The following KIF5C variants were observed in gnomAD, a reference collection of about 807,000 sequenced individuals.
KIF5C encodes kinesin family member 5C.
A neutral mutation model predicts 125.2 loss-of-function variants in KIF5C; 18 were observed. The ratio of observed to expected loss-of-function variants is 0.14; its 90% CI spans 0.10 to 0.21. The LOEUF (loss-of-function observed/expected upper bound fraction) is 0.21. Ranked by LOEUF, KIF5C falls within the 10% of genes least tolerant of loss-of-function variation. KIF5C has a pLI of 1.00. For synonymous variants in KIF5C, 405 were observed against 434.0 expected, an observed-to-expected ratio of 0.93 and a Z score of 0.83; for missense variants, 780 against 1,183.8, an observed-to-expected ratio of 0.66 and a Z score of 5.01.
chr2:148,950,528 G>A, intron 10 of KIF5C, 66 bp downstream of exon 10: 1 of 1,537,016 alleles, frequency 6.5e-7, no homozygotes, highest in East Asian at 2.3e-5. Flanking sequence ...GAATGGCAAG[G>A]CTGGGTGCAA....
At chr2:149,005,024 A>G (rs1230021561) in intron 21 of KIF5C, among the ~76,000 whole-genome samples, 1 of 152,162 alleles carries the variant, frequency 6.6e-6, no homozygotes, top group Non-Finnish European at 1.5e-5. Flanking sequence ...ACATTGTAAC[A>G]TTTACATAAT....
intron 14 of KIF5C, among the ~76,000 whole-genome samples, chr2:148,983,247 C>G (rs776521929): frequency 6.6e-6 from 1 of 152,066 alleles, no homozygotes; most frequent in African/African-American, 2.4e-5. Flanking sequence ...AGGTGGGGAC[C>G]CTTGCAGGTA....
chr2:148,961,727 C>T (rs906505904), intron 10 of KIF5C, among the ~76,000 whole-genome samples: 4 of 151,968 alleles, frequency 2.6e-5, no homozygotes, highest in Non-Finnish European at 4.4e-5. Flanking sequence ...TGAGACAATT[C>T]GAATAAATGT....
intron 1 of KIF5C, among the ~76,000 whole-genome samples, chr2:148,917,697 C>A (rs1461375101): frequency 2.6e-5 from 4 of 152,310 alleles, no homozygotes; most frequent in African/African-American, 9.6e-5. Flanking sequence ...ATAGTCAGTT[C>A]CTCTTCTGAA....
In KIF5C at chr2:148,922,210, C is replaced by T. The variant is rs1236239517; in HGVS notation, c.200C>T (p.Ala67Val). The stretch of plus-strand genomic sequence containing the variant: ...CAAGAGCAGGTTTACAATGCATGTG[C>T]GAAGCAAATTGTCAAAGGTAAGTGC... ...TTQEQVYNAC[A>V]KQIVKDVLEG... The change falls in exon 2 of 26, where the codon GCG becomes GTG. Residue 67 changes from alanine (A) to valine (V), a missense_variant. Coordinates refer to ENST00000435030, the MANE Select transcript of KIF5C (RefSeq NM_004522.3). 26 of 1,610,882 alleles carry T rather than the reference C, an allele frequency of 1.6e-5. No homozygotes were observed. Among genetic ancestry groups the T allele is most frequent in the East Asian group, 2.2e-5 (1 of 44,826 alleles).
At chr2:148,973,539 AT>A in intron 12 of KIF5C, 28 bp downstream of exon 12, 1 of 1,577,954 alleles carries the variant, frequency 6.3e-7, no homozygotes, top group Non-Finnish European at 8.6e-7. Flanking sequence ...CATAGTTCTC[AT>A]TCTGCTACAA....
chr2:149,019,992 G>A (rs998929355), intron 25 of KIF5C, among the ~76,000 whole-genome samples: 14 of 152,236 alleles, frequency 9.2e-5, no homozygotes, highest in Admixed American at 7.2e-4. Context: ...AGGTCAGTTG[G>A]TCCAGTCCCC....
At chr2:148,887,757 C>T (rs1248997068) in intron 1 of KIF5C, among the ~76,000 whole-genome samples, 1 of 151,838 alleles carries the variant, frequency 6.6e-6, no homozygotes, top group East Asian at 1.9e-4. Context: ...GGGTATCTTG[C>T]ACCCAGGCAG....
chr2:148,901,952 G>C (rs751011798), intron 1 of KIF5C, among the ~76,000 whole-genome samples: 1 of 152,232 alleles, frequency 6.6e-6, no homozygotes, highest in Non-Finnish European at 1.5e-5. Context: ...TGTAAGGAAG[G>C]TATAGTTTTT....
At chr2:148,887,861 G>A (rs1681588517) in intron 1 of KIF5C, among the ~76,000 whole-genome samples, 1 of 146,958 alleles carries the variant, frequency 6.8e-6, no homozygotes, top group Admixed American at 6.8e-5. Context: ...GCACTTCTCC[G>A]TAGCTGCTTT....
intron 3 of KIF5C, among the ~76,000 whole-genome samples, chr2:148,933,627 C>G (rs1469485220): frequency 6.6e-6 from 1 of 150,698 alleles, no homozygotes; most frequent in African/African-American, 2.5e-5. Flanking sequence ...ATACCATACA[C>G]CACTACCACA....
At chr2:148,883,767 C>T (rs1220585486) in intron 1 of KIF5C, 1 of 152,074 alleles carries the variant, frequency 6.6e-6, no homozygotes, top group East Asian at 1.9e-4. Flanking sequence ...TTATTTCCTA[C>T]TGATGGACCT....
At chr2:148,967,464 G>A (rs997478572) in intron 11 of KIF5C, among the ~76,000 whole-genome samples, 7 of 152,164 alleles carry the variant, frequency 4.6e-5, no homozygotes, top group African/African-American at 1.2e-4. Context: ...CAGAGGCCCA[G>A]GATAGAAGTG....
intron 10 of KIF5C, among the ~76,000 whole-genome samples, chr2:148,953,936 TTTGTTATATAGG>T (rs1471177590): frequency 6.6e-6 from 1 of 152,136 alleles, no homozygotes; most frequent in Non-Finnish European, 1.5e-5. Flanking sequence ...AACATGCAGG[TTTGTTATATAGG>T]TATACATGTG....
At position 149,013,246 on chromosome 2, in the gene KIF5C, G is replaced by C. The variant is rs114264138; in HGVS notation, c.*7+1563G>C. ...CTAGCCTCTTAACTAGGTTAAGCAC[G>C]TGCCTGCCTCCTGAACTCAAGGCCA... On this transcript the variant is annotated intron_variant, in intron 25 of 25. Coordinates refer to ENST00000435030, the MANE Select transcript of KIF5C (RefSeq NM_004522.3). Among the ~76,000 whole-genome samples the C allele has an allele frequency of 5.2e-3, 791 of 152,324 alleles. 4 individuals carry two copies. The highest frequency in any genetic ancestry group is 9.2e-3 in the Non-Finnish European group (626 of 68,032).
chr2:148,882,089 G>T (rs921219110), intron 1 of KIF5C, among the ~76,000 whole-genome samples: 20 of 152,128 alleles, frequency 1.3e-4, no homozygotes, highest in South Asian at 6.2e-4. Context: ...TGAGTTTGAG[G>T]TTGTTTGTAA....
intron 16 of KIF5C, among the ~76,000 whole-genome samples, chr2:148,991,969 T>A (rs1337573884): frequency 1.3e-5 from 2 of 152,202 alleles, no homozygotes; most frequent in East Asian, 1.9e-4. Context: ...GGTATTTGGG[T>A]CTGACGTTTC....
At chr2:148,999,674 G>A (rs1226455365) in intron 19 of KIF5C, among the ~76,000 whole-genome samples, 2 of 152,244 alleles carry the variant, frequency 1.3e-5, no homozygotes, top group African/African-American at 2.4e-5. Context: ...GGGAGGGGGA[G>A]GTTGGAGGGA....
At chr2:148,930,265 C>T (rs1574761591) in intron 3 of KIF5C, among the ~76,000 whole-genome samples, 2 of 152,128 alleles carry the variant, frequency 1.3e-5, no homozygotes, top group African/African-American at 4.8e-5. Flanking sequence ...TTTGTGGCTT[C>T]AGTCTGTTTT....
Sources: gnomAD v4.1 joint callset for allele counts (sites outside exome capture counted in the v4.1 genomes callset) on GRCh38, gnomAD v4.1.1 for gene constraint, MANE v1.5 for transcripts, NCBI Gene and HGNC (gene_info 2026-07-23, HGNC 2026-07-21) for gene names.